The following ABCA13 variants were observed in gnomAD, a reference collection of about 807,000 sequenced individuals.
The protein encoded by ABCA13 is ATP-binding cassette sub-family A member 13.
ABCA13 carries 476 observed loss-of-function variants against 478.7 expected under a neutral mutation model. The observed-to-expected ratio is 0.99, with a 90% CI of 0.92 to 1.07. The LOEUF is 1.07. ABCA13 is among the 50% of genes least tolerant of loss of function. ABCA13 has a pLI of 0.00. For synonymous variants in ABCA13, 2,252 were observed against 2,158.9 expected (o/e 1.04, Z -1.20); for missense variants, 6,060 against 5,910.6 (o/e 1.03, Z -0.83).
chr7:48,550,757 G>A (rs748806850), intron 55 of ABCA13, among the ~76,000 whole-genome samples: 15 of 150,200 alleles, frequency 1.0e-4, no homozygotes, highest in Non-Finnish European at 1.3e-4. Context: ...CCATCCATCC[G>A]TCCATCCATC....
Position 48,276,429 on chromosome 7 carries a change from C to G in ABCA13, c.6763C>G (p.Leu2255Val), listed in dbSNP as rs781510552. The G allele has an allele frequency of 6.4e-7, 1 of 1,570,650 alleles. No homozygotes were observed. Among genetic ancestry groups the G allele is most frequent in the Non-Finnish European group, 8.6e-7 (1 of 1,160,286 alleles). Reference sequence around the variant, plus strand: ...GTCAGAAACTAGTAGGAAAACAGTTCTCTCTCTGAGAAGCATAGTAGATTT... The same window carrying G: ...GTCAGAAACTAGTAGGAAAACAGTTGTCTCTCTGAGAAGCATAGTAGATTT... ...MQSETSRKTVLSLRSIVDFTE... is the reference protein window; with the variant it reads ...MQSETSRKTVVSLRSIVDFTE... The change falls in exon 17 of 62, where the codon CTC becomes GTC. Residue 2255 changes from leucine to valine, a missense_variant. By Grantham distance (32) the Leu-to-Val change is conservative. This residue lies in a region of ABCA13 where 4,423 missense variants were observed against 4,309.1 expected (regional missense o/e 1.03). Transcript: ENST00000435803.
intron 1 of ABCA13, among the ~76,000 whole-genome samples, chr7:48,186,217 T>C (rs1157710376): frequency 6.6e-6 from 1 of 152,094 alleles, no homozygotes; most frequent in African/African-American, 2.4e-5. Context: ...AGCATACTAT[T>C]TGAAAGTTTC....
chr7:48,288,121 T>G, intron 20 of ABCA13, 43 bp downstream of exon 20: 1 of 1,548,366 alleles, frequency 6.5e-7, no homozygotes, highest in Non-Finnish European at 8.9e-7. Context: ...TGTTCATGAC[T>G]ATTGGCCCTT....
intron 48 of ABCA13, among the ~76,000 whole-genome samples, chr7:48,503,105 G>A (rs1830900165): frequency 6.6e-6 from 1 of 152,162 alleles, no homozygotes; most frequent in Non-Finnish European, 1.5e-5. Context: ...TTTATTGAGA[G>A]AGATGAGGTC....
At position 48,276,579 on chromosome 7, in the gene ABCA13, T is replaced by A. The variant is rs781349153; in HGVS notation, c.6899+14T>A. On this transcript the variant is annotated intron_variant, in intron 17 of 61. Coordinates refer to ENST00000435803, the MANE Select transcript of ABCA13 (RefSeq NM_152701.5). Reference sequence around the variant, plus strand: ...TGCAGAGATGAGGTGAGTATACTTTTGCTTTGTGTCATATATGCAGTTGCG... The same window carrying A: ...TGCAGAGATGAGGTGAGTATACTTTAGCTTTGTGTCATATATGCAGTTGCG... The A allele has an allele frequency of 1.2e-6, 2 of 1,605,770 alleles. No homozygotes were observed. The highest frequency in any genetic ancestry group is 2.2e-5 in the South Asian group (2 of 90,420).
chr7:48,604,662 T>C (rs1317535931), intron 58 of ABCA13, among the ~76,000 whole-genome samples: 1 of 152,196 alleles, frequency 6.6e-6, no homozygotes, highest in Admixed American at 6.5e-5. Context: ...TGGTCAATTT[T>C]AGAATAAGCA....
At chr7:48,522,427 G>C (rs1338680716) in intron 53 of ABCA13, among the ~76,000 whole-genome samples, 2 of 152,078 alleles carry the variant, frequency 1.3e-5, no homozygotes, top group African/African-American at 4.8e-5. Flanking sequence ...TTTGTCTCCT[G>C]CCTAGAGCTG....
intron 10 of ABCA13, among the ~76,000 whole-genome samples, chr7:48,242,731 A>T (rs778106675): frequency 6.6e-6 from 1 of 152,186 alleles, no homozygotes; most frequent in East Asian, 1.9e-4. Context: ...GAGCCACCGC[A>T]GCTGGCCACC....
chr7:48,488,729 C>T (rs993152811), intron 47 of ABCA13, among the ~76,000 whole-genome samples: 1 of 152,074 alleles, frequency 6.6e-6, no homozygotes, highest in Admixed American at 6.5e-5. Flanking sequence ...GCTTTAATAA[C>T]ATTGTCTTTC....
intron 1 of ABCA13, among the ~76,000 whole-genome samples, chr7:48,179,650 T>C (rs1795385660): frequency 6.6e-6 from 1 of 152,176 alleles, no homozygotes; most frequent in African/African-American, 2.4e-5. Flanking sequence ...CACGGTGCTC[T>C]GTCCCGGAGC....
chr7:48,372,947 C>T (rs926161644), intron 33 of ABCA13, among the ~76,000 whole-genome samples: 9 of 152,102 alleles, frequency 5.9e-5, no homozygotes, highest in African/African-American at 9.7e-5. Context: ...CTCCTAAAAA[C>T]GTATGATAAC....
chr7:48,438,288 C>T (rs187815996), intron 42 of ABCA13, among the ~76,000 whole-genome samples: 24 of 152,180 alleles, frequency 1.6e-4, no homozygotes, highest in Non-Finnish European at 1.8e-4. Flanking sequence ...ATTTTTCCTA[C>T]CATTTCAATG....
chr7:48,574,607 A>G (rs1468689027), intron 55 of ABCA13, among the ~76,000 whole-genome samples: 1 of 152,156 alleles, frequency 6.6e-6, no homozygotes, highest in Non-Finnish European at 1.5e-5. Context: ...CCCCTGGGAT[A>G]TTGGCCTCTC....
intron 55 of ABCA13, among the ~76,000 whole-genome samples, chr7:48,541,800 G>A (rs1305124808): frequency 6.8e-6 from 1 of 146,842 alleles, no homozygotes; most frequent in Admixed American, 6.8e-5. Context: ...TATTTTAAAA[G>A]GAAAGTTGAC....
chr7:48,197,057 A>C (rs979738830), intron 2 of ABCA13, among the ~76,000 whole-genome samples: 1 of 152,186 alleles, frequency 6.6e-6, no homozygotes, highest in Non-Finnish European at 1.5e-5. Flanking sequence ...TGAGAGATTA[A>C]AGCTTGAGAA....
chr7:48,580,228 G>C lies in ABCA13; in HGVS notation c.14359G>C (p.Ala4787Pro), dbSNP rs200037299. 6.2e-7 allele frequency: 1 copy of C among 1,609,004 alleles called. No homozygotes were observed. Among genetic ancestry groups the C allele is most frequent in the Admixed American group, 1.7e-5 (1 of 59,602 alleles). ...CTGTGCTGCTTCTCTCTGCAGAGAC[G>C]CCGTGGACCTGTCTTCTGCTGGCAC... is the stretch of plus-strand genomic sequence containing the variant. ...HAIIRTPMGDAVDLSSAGTAG... is the reference protein window; with the variant it reads ...HAIIRTPMGDPVDLSSAGTAG... Residue 4787 changes from alanine to proline, a missense_variant, in exon 56 of 62, where the codon GCC becomes CCC. By Grantham distance (27) the Ala-to-Pro change is conservative. Transcript: ENST00000435803.
In ABCA13 at chr7:48,248,334, G is replaced by C; in HGVS notation, c.1755G>C (p.Leu585=). 6.2e-7 allele frequency: 1 copy of C among 1,613,892 alleles called. No individual in the cohort carries two copies. Among genetic ancestry groups the C allele is most frequent in the South Asian group, 1.1e-5 (1 of 91,072 alleles). ...ACTGGCAGGAACTTGAGATGCAGCT[G>C]TCAGAAGCAAGCCTTTCCTGTACTC... ...YLDWQELEMQ[L]SEASLSCTRL... The change falls in exon 14 of 62, where the codon CTG becomes CTC. Residue 585 remains leucine (L), a synonymous_variant. Transcript: ENST00000435803.
chr7:48,207,411 C>T (rs925969672), intron 3 of ABCA13, among the ~76,000 whole-genome samples: 1 of 152,084 alleles, frequency 6.6e-6, no homozygotes, highest in African/African-American at 2.4e-5. Context: ...ATTTACTTTC[C>T]TGCCAACAGT....
At chr7:48,613,658 G>A (rs1792251395) in intron 58 of ABCA13, among the ~76,000 whole-genome samples, 1 of 150,824 alleles carries the variant, frequency 6.6e-6, no homozygotes, top group South Asian at 2.1e-4. Flanking sequence ...TTACTGAATT[G>A]CAATTATTTT....
Sources: gnomAD v4.1 joint callset for allele counts (sites outside exome capture counted in the v4.1 genomes callset) on GRCh38, gnomAD v4.1.1 for gene constraint, gnomAD v4.1.1 regional missense constraint, MANE v1.5 for transcripts, NCBI Gene and HGNC (gene_info 2026-07-23, HGNC 2026-07-21) for gene names.